TAFA2: variants seen among roughly 807,000 people sequenced by gnomAD.
The protein encoded by TAFA2 is chemokine-like protein TAFA-2.
Under a neutral mutation model 18.8 loss-of-function variants are expected in TAFA2, and 7 were observed. The observed-to-expected ratio is 0.37, with a 90% CI of 0.21 to 0.70. The LOEUF (loss-of-function observed/expected upper bound fraction) is 0.70. TAFA2 is among the 30% of genes least tolerant of loss of function. TAFA2 has a pLI of 0.53. For missense variants in TAFA2, 122 were observed against 158.1 expected, an observed-to-expected ratio of 0.77 and a Z score of 1.23; for synonymous variants, 60 against 54.2, an observed-to-expected ratio of 1.11 and a Z score of -0.47.
chr12:61,974,985 C>T (rs896014419), intron 1 of TAFA2, among the ~76,000 whole-genome samples: 1 of 151,374 alleles, frequency 6.6e-6, no homozygotes, highest in African/African-American at 2.4e-5. Flanking sequence ...GTAGTTGTTA[C>T]AACTGGAAAT....
intron 1 of TAFA2, among the ~76,000 whole-genome samples, chr12:62,100,000 T>C (rs937541786): frequency 6.6e-6 from 1 of 152,138 alleles, no homozygotes; most frequent in African/African-American, 2.4e-5. Flanking sequence ...GAATGTATTT[T>C]CTCAAAGTCT....
chr12:61,777,868 G>A (rs1870336606), intron 2 of TAFA2, among the ~76,000 whole-genome samples: 1 of 151,738 alleles, frequency 6.6e-6, no homozygotes, highest in Non-Finnish European at 1.5e-5. Context: ...TAACCCCTGT[G>A]GAGAGGTAGG....
At chr12:62,072,735 G>A (rs1882664653) in intron 1 of TAFA2, among the ~76,000 whole-genome samples, 4 of 152,124 alleles carry the variant, frequency 2.6e-5, no homozygotes, top group South Asian at 4.1e-4. Context: ...GAAATAAGCC[G>A]TGATCACACC....
At chr12:62,139,621 C>G (rs1218052193) in intron 1 of TAFA2, among the ~76,000 whole-genome samples, 1 of 152,188 alleles carries the variant, frequency 6.6e-6, no homozygotes, top group Non-Finnish European at 1.5e-5. Context: ...GAAACATTTT[C>G]TCCATTTAGG....
intron 1 of TAFA2, among the ~76,000 whole-genome samples, chr12:62,069,749 C>T (rs1305342652): frequency 3.3e-5 from 5 of 152,200 alleles, no homozygotes; most frequent in African/African-American, 1.2e-4. Context: ...TTAGTTCCTT[C>T]ACATGACAAG....
chr12:62,238,464 T>C (rs893573894), intron 1 of TAFA2, among the ~76,000 whole-genome samples: 3 of 152,228 alleles, frequency 2.0e-5, no homozygotes, highest in African/African-American at 7.2e-5. Flanking sequence ...CTAAATATTT[T>C]ACCTACATTA....
At chr12:61,718,199 G>A (rs938871693) in intron 4 of TAFA2, among the ~76,000 whole-genome samples, 1 of 152,130 alleles carries the variant, frequency 6.6e-6, no homozygotes, top group Non-Finnish European at 1.5e-5. Flanking sequence ...GACCTGCGCT[G>A]TTTCTTGGAA....
intron 2 of TAFA2, among the ~76,000 whole-genome samples, chr12:61,852,149 T>C (rs1873699156): frequency 6.7e-6 from 1 of 149,702 alleles, no homozygotes; most frequent in Non-Finnish European, 1.5e-5. Flanking sequence ...GAGGTTGCGG[T>C]GAGCTGAGGT....
intron 1 of TAFA2, chr12:61,880,076 C>A: frequency 3.1e-6 from 2 of 653,968 alleles, no homozygotes; most frequent in Non-Finnish European, 5.6e-6. Context: ...AGACAGCAGC[C>A]ACTCCCTGGA....
chr12:62,080,237 ACTCACTTAGAATCCCTTT>A (rs1868298171), intron 1 of TAFA2, among the ~76,000 whole-genome samples: 1 of 152,188 alleles, frequency 6.6e-6, no homozygotes, highest in South Asian at 2.1e-4. Context: ...TGTATATCCC[ACTCACTTAGAATCCCTTT>A]CTCCAGGAAA....
chr12:62,220,083 G>A (rs2062754250), intron 1 of TAFA2, among the ~76,000 whole-genome samples: 1 of 151,578 alleles, frequency 6.6e-6, no homozygotes, highest in Admixed American at 6.6e-5. Flanking sequence ...ATTTAATAAA[G>A]GCAAAACCTC....
chr12:61,958,854 T>C (rs1160530141), intron 1 of TAFA2, among the ~76,000 whole-genome samples: 2 of 152,030 alleles, frequency 1.3e-5, no homozygotes, highest in African/African-American at 4.8e-5. Context: ...TAAGGAGATT[T>C]CCTAACCACC....
chr12:62,035,232 C>G (rs1163609612), intron 1 of TAFA2, among the ~76,000 whole-genome samples: 1 of 152,160 alleles, frequency 6.6e-6, no homozygotes, highest in East Asian at 1.9e-4. Context: ...GACTACCAAG[C>G]ACAAAGCACT....
At chr12:62,157,294 G>T (rs1217618480) in intron 1 of TAFA2, among the ~76,000 whole-genome samples, 1 of 151,988 alleles carries the variant, frequency 6.6e-6, no homozygotes, top group Non-Finnish European at 1.5e-5. Context: ...AAAAGTCAAT[G>T]TAGGAAAGAA....
chr12:62,144,901 T>C (rs1020037603), intron 1 of TAFA2, among the ~76,000 whole-genome samples: 1 of 152,202 alleles, frequency 6.6e-6, no homozygotes, highest in Non-Finnish European at 1.5e-5. Flanking sequence ...ATGTCCAGTC[T>C]AGCAATACTG....
chr12:62,192,955 T>C (rs2062633597), upstream of TAFA2: 1 of 152,230 alleles, frequency 6.6e-6, no homozygotes, highest in African/African-American at 2.4e-5. Context: ...TTCAGATAAT[T>C]TGCATTTTTA....
intron 1 of TAFA2, among the ~76,000 whole-genome samples, chr12:61,889,129 A>T (rs960289387): frequency 6.6e-6 from 1 of 152,192 alleles, no homozygotes; most frequent in Admixed American, 6.5e-5. Flanking sequence ...TAGAAGTAAC[A>T]TGATTATTGA....
intron 1 of TAFA2, among the ~76,000 whole-genome samples, chr12:62,249,971 T>C (rs538735079): frequency 6.6e-6 from 1 of 152,314 alleles, no homozygotes; most frequent in South Asian, 2.1e-4. Context: ...TTAGTCCATT[T>C]AGTGTTACTC....
chr12:62,096,323 T>C (rs917465862), intron 1 of TAFA2, among the ~76,000 whole-genome samples: 3 of 152,046 alleles, frequency 2.0e-5, no homozygotes, highest in South Asian at 4.2e-4. Flanking sequence ...ATAAGTACTA[T>C]AGAGAAAGCA....
Sources: gnomAD v4.1 joint callset for allele counts (sites outside exome capture counted in the v4.1 genomes callset) on GRCh38, gnomAD v4.1.1 for gene constraint, MANE v1.5 for transcripts, NCBI Gene and HGNC (gene_info 2026-07-23, HGNC 2026-07-21) for gene names.